Variants in TCP11L2 observed in about 807,000 individuals in gnomAD.
TCP11L2 encodes T-complex protein 11-like protein 2.
In TCP11L2, 39 loss-of-function variants were observed where a neutral mutation model predicts 50.7. The observed-to-expected ratio is 0.77, with a 90% confidence interval of 0.60 to 1.01. The LOEUF is 1.01. TCP11L2 is among the 50% of genes least tolerant of loss of function. The pLI is 0.00. For synonymous variants in TCP11L2, 192 were observed against 219.3 expected, an observed-to-expected ratio of 0.88 and a Z score of 1.10; for missense variants, 612 against 614.7, an observed-to-expected ratio of 1.00 and a Z score of 0.05.
At chr12:106,338,878 C>T (rs1441358096) in intron 8 of TCP11L2, among the ~76,000 whole-genome samples, 2 of 152,248 alleles carry the variant, frequency 1.3e-5, no homozygotes, top group Non-Finnish European at 2.9e-5. Flanking sequence ...CGGTGGCTCA[C>T]ACCTGTAATC....
At chr12:106,311,007 AGAACATT>A in intron 1 of TCP11L2, 27 bp from the exon 2 acceptor site, 1 of 1,556,548 alleles carries the variant, frequency 6.4e-7, no homozygotes, top group Non-Finnish European at 8.7e-7. Context: ...GAAGTACCAC[AGAACATT>A]GACGCAGGGT....
At chr12:106,323,775 A>T (rs187500023) in intron 6 of TCP11L2, 129 bp downstream of exon 6, 5 of 476,616 alleles carry the variant, frequency 1.0e-5, no homozygotes, top group African/African-American at 2.0e-5. Flanking sequence ...TTTAATTTAA[A>T]TTAATTAAAA....
At position 106,318,905 on chromosome 12, in the gene TCP11L2, T is replaced by A. The variant is rs35591926; in HGVS notation, c.414+441T>A. On this transcript the variant is annotated intron_variant, in intron 4 of 9. Coordinates refer to ENST00000299045, the MANE Select transcript of TCP11L2 (RefSeq NM_152772.3). ...TTTTGTATTTTATTTTATTTTTTTT[T>A]TTTTTTTTATTTTTTTTGAGACGGA... Among the ~76,000 whole-genome samples the A allele has an allele frequency of 5.1e-3, 765 of 150,862 alleles. 7 individuals carry two copies. Among genetic ancestry groups the A allele is most frequent in the African/African-American group, 0.017 (714 of 40,970 alleles).
intron 8 of TCP11L2, among the ~76,000 whole-genome samples, chr12:106,339,987 G>A (rs2036041629): frequency 6.6e-6 from 1 of 151,988 alleles, no homozygotes; most frequent in African/African-American, 2.4e-5. Context: ...TAGACACATA[G>A]AAGTTCAGTG....
At chr12:106,311,281 A>T in intron 2 of TCP11L2, 49 bp downstream of exon 2, 1 of 1,592,346 alleles carries the variant, frequency 6.3e-7, no homozygotes, top group Non-Finnish European at 8.6e-7. Context: ...GTACTTCTAG[A>T]TATGTGTTGG....
chr12:106,323,586 C>CA lies in TCP11L2; in HGVS notation c.714dup (p.Arg239ThrfsTer7). The CA allele has an allele frequency of 1.9e-6, 3 of 1,607,772 alleles. No individual in the cohort carries two copies. The highest frequency in any genetic ancestry group is 2.5e-6 in the Non-Finnish European group (3 of 1,177,132). ...AATTATGAGTCTCAGACCGCACCTT[C>CA]AACGCCAGTTGGTGGAATATGAGAG... On this transcript the variant is annotated frameshift_variant, in exon 6 of 10. Coordinates refer to ENST00000299045, the MANE Select transcript of TCP11L2 (RefSeq NM_152772.3). LOFTEE classifies it high-confidence loss of function.
chr12:106,336,614 G>T (rs558965334), intron 8 of TCP11L2, among the ~76,000 whole-genome samples: 1 of 143,710 alleles, frequency 7.0e-6, no homozygotes, highest in African/African-American at 2.6e-5. Flanking sequence ...GTGCAGTGGC[G>T]CAATCTCAGC....
At chr12:106,329,733 G>T (rs2035681702) in intron 6 of TCP11L2, 2 of 1,047,168 alleles carry the variant, frequency 1.9e-6, no homozygotes, top group Non-Finnish European at 2.3e-6. Flanking sequence ...GATTAAACTT[G>T]CAGTATAAAT....
intron 7 of TCP11L2, 28 bp from the exon 8 acceptor site, chr12:106,336,004 A>G (rs2035906354): frequency 6.5e-7 from 1 of 1,547,846 alleles, no homozygotes; most frequent in Non-Finnish European, 8.7e-7. Context: ...TACCCTTTCT[A>G]TTTTTATATT....
chr12:106,315,497 G>A (rs1414681809), intron 3 of TCP11L2, among the ~76,000 whole-genome samples: 9 of 152,216 alleles, frequency 5.9e-5, no homozygotes, highest in African/African-American at 2.2e-4. Flanking sequence ...AGCTATGTCT[G>A]TATTGTTTGT....
chr12:106,314,576 T>TGTGTGTGAGAGAGAGA (rs1469308055), intron 3 of TCP11L2, 83 bp downstream of exon 3: 1 of 252,998 alleles, frequency 4.0e-6, no homozygotes, highest in African/African-American at 4.1e-5. Context: ...TGTGTGTGTG[T>TGTGTGTGAGAGAGAGA]GAGAGAGAGA....
intron 1 of TCP11L2, chr12:106,303,604 T>C (rs1459978919): frequency 6.6e-6 from 1 of 152,242 alleles, no homozygotes; most frequent in African/African-American, 2.4e-5. Flanking sequence ...CCCTCAGGTG[T>C]TGCTTGTGCT....
intron 9 of TCP11L2, among the ~76,000 whole-genome samples, 186 bp downstream of exon 9, chr12:106,341,184 T>C (rs1339827986): frequency 2.6e-5 from 4 of 152,222 alleles, no homozygotes; most frequent in East Asian, 1.9e-4. Flanking sequence ...CTGTGTGTCA[T>C]GGAGTTGGGG....
At chr12:106,335,531 G>A in intron 6 of TCP11L2, 108 bp from the exon 7 acceptor site, 1 of 1,135,832 alleles carries the variant, frequency 8.8e-7, no homozygotes, top group Non-Finnish European at 1.3e-6. Flanking sequence ...GGGCATGGCT[G>A]TGTCTTCTCA....
chr12:106,316,249 C>T (rs2035074659), intron 3 of TCP11L2, among the ~76,000 whole-genome samples: 2 of 96,686 alleles, frequency 2.1e-5, no homozygotes, highest in African/African-American at 6.5e-5. Context: ...GTTCATCTTC[C>T]ATATCCAGTA....
intron 1 of TCP11L2, among the ~76,000 whole-genome samples, chr12:106,307,756 A>T (rs34826388): frequency 6.6e-6 from 1 of 152,168 alleles, no homozygotes; most frequent in Non-Finnish European, 1.5e-5. Flanking sequence ...GTTGAAGAAT[A>T]TGGTGTTATC....
chr12:106,305,509 A>G (rs1443732928), intron 1 of TCP11L2, among the ~76,000 whole-genome samples: 1 of 152,224 alleles, frequency 6.6e-6, no homozygotes, highest in Non-Finnish European at 1.5e-5. Context: ...AGATATGCAC[A>G]CAAGTGTAGT....
chr12:106,306,174 T>C (rs1160300944), intron 1 of TCP11L2, among the ~76,000 whole-genome samples: 6 of 152,214 alleles, frequency 3.9e-5, no homozygotes, highest in Non-Finnish European at 7.3e-5. Context: ...CTGCAAGAGG[T>C]TGGACTGTTC....
At chr12:106,345,189 G>A (rs763995563) in intron 9 of TCP11L2, among the ~76,000 whole-genome samples, 2 of 151,750 alleles carry the variant, frequency 1.3e-5, no homozygotes, top group Middle Eastern at 3.4e-3. Context: ...TAGAGATGAA[G>A]TTTCACTATA....
Sources: allele counts gnomAD v4.1 joint callset (sites outside exome capture counted in the v4.1 genomes callset), GRCh38; gene constraint gnomAD v4.1.1; transcripts MANE v1.5; gene names NCBI Gene and HGNC (gene_info 2026-07-23, HGNC 2026-07-21).